The following POFUT3 variants were observed in gnomAD, a reference collection of about 807,000 sequenced individuals.
POFUT3 encodes GDP-fucose protein O-fucosyltransferase 3.
At chr8:33,351,064 C>T in the POFUT3 span, among the ~76,000 whole-genome samples, 4 of 152,132 alleles carry the variant, frequency 2.6e-5, no homozygotes, top group Non-Finnish European at 5.9e-5. Flanking sequence ...CCCACTGCAA[C>T]CTGCCTCAGC....
At chr8:33,360,868 T>A in the POFUT3 span, 1 of 152,162 alleles carries the variant, frequency 6.6e-6, no homozygotes, top group Non-Finnish European at 1.5e-5. Context: ...CAGACACGTT[T>A]TAATTTTATT....
chr8:33,413,591 C>A, the POFUT3 span, among the ~76,000 whole-genome samples: 1 of 152,124 alleles, frequency 6.6e-6, no homozygotes, highest in Non-Finnish European at 1.5e-5. Flanking sequence ...ACACTCATAT[C>A]TTGGAAACAT....
At chr8:33,421,197 G>A in the POFUT3 span, among the ~76,000 whole-genome samples, 1 of 151,734 alleles carries the variant, frequency 6.6e-6, no homozygotes, top group African/African-American at 2.4e-5. Context: ...CTTTATCTAT[G>A]GAATGAAATG....
the POFUT3 span, among the ~76,000 whole-genome samples, chr8:33,388,093 A>T: frequency 1.3e-5 from 2 of 152,202 alleles, no homozygotes; most frequent in Non-Finnish European, 2.9e-5. Flanking sequence ...ACAATTTAAG[A>T]AAGTTTTTAT....
the POFUT3 span, among the ~76,000 whole-genome samples, chr8:33,313,721 C>CAT: frequency 6.6e-6 from 1 of 152,158 alleles, no homozygotes; most frequent in Admixed American, 6.6e-5. Flanking sequence ...TACCTGAGAG[C>CAT]ATAGATTCAA....
At chr8:33,472,903 C>G in the POFUT3 span, among the ~76,000 whole-genome samples, 1 of 152,222 alleles carries the variant, frequency 6.6e-6, no homozygotes, top group Admixed American at 6.5e-5. Flanking sequence ...ACACGCACCC[C>G]CTGCTCGGTA....
At chr8:33,415,809 C>T in the POFUT3 span, among the ~76,000 whole-genome samples, 10 of 152,146 alleles carry the variant, frequency 6.6e-5, no homozygotes, top group South Asian at 8.3e-4. Flanking sequence ...AGAAATGACC[C>T]GCATTAACTG....
chr8:33,356,823 T>C, the POFUT3 span, among the ~76,000 whole-genome samples: 2 of 152,210 alleles, frequency 1.3e-5, no homozygotes, highest in Admixed American at 6.5e-5. Flanking sequence ...TTTAAGTCTT[T>C]AATCCATCTT....
chr8:33,328,388 CAAAA>C, the POFUT3 span, among the ~76,000 whole-genome samples: 2 of 145,934 alleles, frequency 1.4e-5, no homozygotes, highest in Admixed American at 6.8e-5. Flanking sequence ...AAACAAAAAA[CAAAA>C]AAAAAAAGCA....
chr8:33,449,278 ATTTTTTTTTTTTTT>A, the POFUT3 span, among the ~76,000 whole-genome samples: 2 of 53,720 alleles, frequency 3.7e-5, no homozygotes, highest in East Asian at 7.6e-4. Flanking sequence ...ATCCGAGTTG[ATTTTTTTTTTTTTT>A]TTTTTTTTTT....
the POFUT3 span, chr8:33,372,520 C>A: frequency 6.4e-7 from 1 of 1,555,842 alleles, no homozygotes; most frequent in Non-Finnish European, 8.7e-7. Context: ...ATTAAGGCAA[C>A]CTAGAAAATA....
chr8:33,460,443 G>A, the POFUT3 span, among the ~76,000 whole-genome samples: 12 of 152,288 alleles, frequency 7.9e-5, no homozygotes, highest in East Asian at 1.9e-4. Flanking sequence ...CTAAGCACAC[G>A]TTTCAGTTCA....
the POFUT3 span, among the ~76,000 whole-genome samples, chr8:33,367,989 G>T: frequency 1.3e-5 from 2 of 152,088 alleles, no homozygotes; most frequent in Non-Finnish European, 2.9e-5. Flanking sequence ...GGATGATGTG[G>T]TTATGGTTTG....
chr8:33,403,884 G>A, the POFUT3 span, among the ~76,000 whole-genome samples: 8 of 152,194 alleles, frequency 5.3e-5, no homozygotes, highest in East Asian at 3.9e-4. Context: ...AAATCCCCAC[G>A]TACACTCCAG....
the POFUT3 span, among the ~76,000 whole-genome samples, chr8:33,385,253 G>C: frequency 6.6e-6 from 1 of 152,114 alleles, no homozygotes; most frequent in Admixed American, 6.6e-5. Flanking sequence ...GTGGGGGAAG[G>C]GGCATTCTTT....
chr8:33,419,092 T>A, the POFUT3 span, among the ~76,000 whole-genome samples: 1 of 152,106 alleles, frequency 6.6e-6, no homozygotes, highest in Non-Finnish European at 1.5e-5. Flanking sequence ...GTGGGGTGGA[T>A]AAAGAGAGGC....
At chr8:33,455,871 T>A in the POFUT3 span, 5 of 452,758 alleles carry the variant, frequency 1.1e-5, no homozygotes, top group South Asian at 3.1e-5. Context: ...GTGACTTTCA[T>A]TAGATTCTCA....
the POFUT3 span, chr8:33,389,221 G>A: frequency 1.2e-5 from 19 of 1,613,928 alleles, no homozygotes; most frequent in Non-Finnish European, 1.4e-5. Flanking sequence ...TAGCACTTTT[G>A]TTACTTGGAA....
the POFUT3 span, among the ~76,000 whole-genome samples, chr8:33,472,578 T>G: frequency 3.4e-4 from 51 of 152,234 alleles, no homozygotes; most frequent in Non-Finnish European, 5.7e-4. Flanking sequence ...TCACAGTTGC[T>G]ACGACTTCAA....
Sources: gnomAD v4.1 joint callset for allele counts (sites outside exome capture counted in the v4.1 genomes callset) on GRCh38, gnomAD v4.1.1 for gene constraint, MANE v1.5 for transcripts, NCBI Gene and HGNC (gene_info 2026-07-23, HGNC 2026-07-21) for gene names.